Variants in CDK5RAP2 observed in about 807,000 individuals in gnomAD.
CDK5RAP2 encodes the protein CDK5 regulatory subunit-associated protein 2.
In CDK5RAP2, 147 loss-of-function variants were observed where a neutral mutation model predicts 232.9. The ratio of observed to expected loss-of-function variants is 0.63; its 90% CI spans 0.55 to 0.72. CDK5RAP2 has a LOEUF of 0.72. CDK5RAP2 is among the 30% of genes least tolerant of loss of function. CDK5RAP2 has a pLI of 0.00. For synonymous variants in CDK5RAP2, 833 were observed against 833.7 expected (o/e 1.00, Z 0.01); for missense variants, 2,195 against 2,231.5 (o/e 0.98, Z 0.33).
intron 1 of CDK5RAP2, among the ~76,000 whole-genome samples, chr9:120,578,727 TG>T (rs1434855927): frequency 6.6e-6 from 1 of 152,012 alleles, no homozygotes; most frequent in Non-Finnish European, 1.5e-5. Flanking sequence ...CCACCACGCC[TG>T]GCTAATCTTT....
At chr9:120,425,362 A>G in intron 25 of CDK5RAP2, among the ~76,000 whole-genome samples, 1 of 152,214 alleles carries the variant, frequency 6.6e-6, no homozygotes, top group East Asian at 1.9e-4. Flanking sequence ...AACTGCCCTC[A>G]CACAGGTAAC....
chr9:120,466,603 A>G (rs1449958901), intron 18 of CDK5RAP2, among the ~76,000 whole-genome samples: 2 of 152,172 alleles, frequency 1.3e-5, no homozygotes, highest in East Asian at 3.8e-4. Flanking sequence ...GTCTCAAATG[A>G]AGTTGGTGAA....
intron 22 of CDK5RAP2, among the ~76,000 whole-genome samples, chr9:120,447,184 TTGTGGATCATGA>T (rs1447552491): frequency 1.3e-5 from 2 of 152,200 alleles, no homozygotes; most frequent in Non-Finnish European, 2.9e-5. Flanking sequence ...ATATGCACTT[TTGTGGATCATGA>T]GCCCTGAGAA....
chr9:120,548,539 C>T (rs12235203), intron 4 of CDK5RAP2, among the ~76,000 whole-genome samples: 15,186 of 152,236 alleles, frequency 0.1, 1,102 homozygotes, highest in East Asian at 0.29. Context: ...AGTGCAATGG[C>T]TCACACCTGT....
intron 15 of CDK5RAP2, among the ~76,000 whole-genome samples, chr9:120,475,152 C>A (rs941216457): frequency 6.6e-6 from 1 of 152,118 alleles, no homozygotes; most frequent in Non-Finnish European, 1.5e-5. Flanking sequence ...GTAGGCAGAC[C>A]AGCCAATCTC....
At chr9:120,473,998 G>A (rs1266780780) in intron 15 of CDK5RAP2, among the ~76,000 whole-genome samples, 1 of 152,144 alleles carries the variant, frequency 6.6e-6, no homozygotes, top group Non-Finnish European at 1.5e-5. Flanking sequence ...CTGGAACTGG[G>A]GCAGGGCAGA....
In CDK5RAP2 at chr9:120,422,739, T is replaced by G. The variant is rs1244279612; in HGVS notation, c.3958A>C (p.Lys1320Gln). 1 of 1,611,868 alleles carries G rather than the reference T, an allele frequency of 6.2e-7. No individual in the cohort carries two copies. Among genetic ancestry groups the G allele is most frequent in the Non-Finnish European group, 8.5e-7 (1 of 1,178,110 alleles). Residue 1320 changes from lysine (K) to glutamine (Q), a missense_variant and splice_region_variant, in exon 26 of 38, where the codon AAA becomes CAA. Lys to Gln is a moderately conservative substitution (Grantham distance 53, BLOSUM62 1). Transcript: ENST00000349780. ...GTGTTCATTTCCACTCCAACTGATT[T>G]TCCTGGAAGCAGAAATAACATCAAG... ...EKLEKLFLNG[K>Q]SVGVEMNTQN...
At chr9:120,416,251 G>A (rs544787532) in intron 27 of CDK5RAP2, among the ~76,000 whole-genome samples, 2 of 152,276 alleles carry the variant, frequency 1.3e-5, no homozygotes, top group South Asian at 2.1e-4. Context: ...GAGGCCAATC[G>A]CAAGCCCCCA....
intron 12 of CDK5RAP2, among the ~76,000 whole-genome samples, chr9:120,492,115 G>A (rs1311671340): frequency 6.6e-6 from 1 of 151,890 alleles, no homozygotes; most frequent in South Asian, 2.1e-4. Flanking sequence ...ACCGTATACA[G>A]AATGATTGTG....
chr9:120,511,270 G>A (rs929948182), intron 12 of CDK5RAP2, among the ~76,000 whole-genome samples: 4 of 152,158 alleles, frequency 2.6e-5, no homozygotes, highest in Non-Finnish European at 5.9e-5. Context: ...ATTCAAGAAC[G>A]CTACAAAAAC....
intron 15 of CDK5RAP2, among the ~76,000 whole-genome samples, chr9:120,474,844 G>A (rs539003339): frequency 6.6e-6 from 1 of 152,214 alleles, no homozygotes; most frequent in South Asian, 2.1e-4. Context: ...CACCTTTCCT[G>A]TCAATTTCCA....
chr9:120,477,533 G>T, intron 14 of CDK5RAP2, 83 bp from the exon 15 acceptor site: 1 of 1,087,804 alleles, frequency 9.2e-7, no homozygotes, highest in Non-Finnish European at 1.4e-6. Flanking sequence ...TATGTAGCTA[G>T]TCCCAGTTTT....
At chr9:120,489,885 G>A (rs144083995) in intron 13 of CDK5RAP2, among the ~76,000 whole-genome samples, 2 of 149,530 alleles carry the variant, frequency 1.3e-5, no homozygotes, top group African/African-American at 2.5e-5. Flanking sequence ...TCGGCTCACC[G>A]CAACCTCTGC....
chr9:120,431,159 G>A (rs1194613596), intron 25 of CDK5RAP2, among the ~76,000 whole-genome samples: 1 of 152,130 alleles, frequency 6.6e-6, no homozygotes, highest in Non-Finnish European at 1.5e-5. Context: ...TACACCTAAT[G>A]CTAAATGACG....
At chr9:120,463,215 A>T (rs998579837) in intron 18 of CDK5RAP2, among the ~76,000 whole-genome samples, 15 of 152,198 alleles carry the variant, frequency 9.9e-5, no homozygotes, top group South Asian at 8.3e-4. Flanking sequence ...ACTAAAAATT[A>T]AAAAAATTAG....
At chr9:120,562,857 A>G (rs983653520) in intron 3 of CDK5RAP2, among the ~76,000 whole-genome samples, 3 of 151,926 alleles carry the variant, frequency 2.0e-5, no homozygotes, top group Non-Finnish European at 2.9e-5. Flanking sequence ...TCAGATAAAC[A>G]TTTTTCCCAG....
chr9:120,557,896 G>C (rs2042295873), intron 3 of CDK5RAP2, among the ~76,000 whole-genome samples: 1 of 149,230 alleles, frequency 6.7e-6, no homozygotes, highest in South Asian at 2.1e-4. Context: ...CTCCCGAGCA[G>C]CTGGGATTAC....
chr9:120,500,178 C>G (rs191879117), intron 12 of CDK5RAP2, among the ~76,000 whole-genome samples: 1 of 152,304 alleles, frequency 6.6e-6, no homozygotes, highest in Admixed American at 6.5e-5. Flanking sequence ...TTATGCTGAC[C>G]AATTTTAATG....
chr9:120,542,980 G>A (rs369533245), intron 5 of CDK5RAP2, among the ~76,000 whole-genome samples: 1 of 152,192 alleles, frequency 6.6e-6, no homozygotes, highest in Non-Finnish European at 1.5e-5. Context: ...GAGGTCTGCT[G>A]GAGCAGAGTT....
Sources: allele counts gnomAD v4.1 joint callset (sites outside exome capture counted in the v4.1 genomes callset), GRCh38; gene constraint gnomAD v4.1.1; transcripts MANE v1.5; gene names NCBI Gene and HGNC (gene_info 2026-07-23, HGNC 2026-07-21).